Variants in CSMD1 observed in about 807,000 individuals in gnomAD.
The protein encoded by CSMD1 is CUB and sushi domain-containing protein 1.
Under a neutral mutation model 417.5 loss-of-function variants are expected in CSMD1, and 213 were observed. The ratio of observed to expected loss-of-function variants is 0.51; its 90% confidence interval spans 0.46 to 0.57. CSMD1 has a LOEUF of 0.57. Ranked by LOEUF, CSMD1 falls within the 20% of genes least tolerant of loss-of-function variation. CSMD1 has a pLI of 0.00. For synonymous variants in CSMD1, 2,862 were observed against 1,736.8 expected (o/e 1.65, Z -16.11); for missense variants, 6,923 against 4,529.7 (o/e 1.53, Z -15.17).
At chr8:3,699,853 A>G (rs1048049925) in intron 7 of CSMD1, among the ~76,000 whole-genome samples, 1 of 152,158 alleles carries the variant, frequency 6.6e-6, no homozygotes, top group African/African-American at 2.4e-5. Flanking sequence ...ACACCATCCC[A>G]TAACTACATC....
At chr8:4,698,461 G>A (rs1584959840) in intron 1 of CSMD1, among the ~76,000 whole-genome samples, 1 of 152,134 alleles carries the variant, frequency 6.6e-6, no homozygotes, top group East Asian at 1.9e-4. Context: ...TCATGCTTAT[G>A]TTCTCATAAG....
intron 1 of CSMD1, among the ~76,000 whole-genome samples, chr8:4,695,633 C>A (rs1807079238): frequency 1.3e-5 from 2 of 152,102 alleles, no homozygotes; most frequent in African/African-American, 4.8e-5. Context: ...ACATACGCCA[C>A]CAAAGAGAGA....
intron 5 of CSMD1, among the ~76,000 whole-genome samples, chr8:3,810,352 C>A (rs1490669336): frequency 6.6e-6 from 1 of 152,166 alleles, no homozygotes; most frequent in Non-Finnish European, 1.5e-5. Context: ...GCTTCTCAGT[C>A]ACAAAAATCA....
intron 49 of CSMD1, among the ~76,000 whole-genome samples, chr8:3,085,320 A>G (rs1814447495): frequency 6.6e-6 from 1 of 152,260 alleles, no homozygotes; most frequent in Non-Finnish European, 1.5e-5. Context: ...GTTAACAGAA[A>G]GGTTAACAGG....
intron 40 of CSMD1, among the ~76,000 whole-genome samples, chr8:3,142,950 GC>G (rs1159581672): frequency 6.6e-6 from 1 of 152,032 alleles, no homozygotes; most frequent in Non-Finnish European, 1.5e-5. Context: ...GTACCACAGA[GC>G]TACACAGGTG....
intron 5 of CSMD1, among the ~76,000 whole-genome samples, chr8:3,859,688 G>A (rs770619108): frequency 1.3e-5 from 2 of 152,090 alleles, no homozygotes; most frequent in African/African-American, 2.4e-5. Context: ...TCAATGAGTC[G>A]TGCCTACATA....
intron 5 of CSMD1, among the ~76,000 whole-genome samples, chr8:3,858,319 A>G (rs1416984928): frequency 6.6e-6 from 1 of 152,206 alleles, no homozygotes; most frequent in East Asian, 1.9e-4. Flanking sequence ...AAAACTTCAA[A>G]GGCTCTTCTT....
chr8:4,752,884 A>G (rs1309104471), intron 1 of CSMD1, among the ~76,000 whole-genome samples: 1 of 152,188 alleles, frequency 6.6e-6, no homozygotes, highest in Non-Finnish European at 1.5e-5. Context: ...TTTTCTCCCA[A>G]AGATCCTGCA....
At chr8:4,825,656 C>G (rs1220429620) in intron 1 of CSMD1, among the ~76,000 whole-genome samples, 1 of 151,506 alleles carries the variant, frequency 6.6e-6, no homozygotes, top group Non-Finnish European at 1.5e-5. Context: ...TTCTGCACAG[C>G]AAAGAAAACA....
intron 5 of CSMD1, among the ~76,000 whole-genome samples, chr8:3,953,401 G>A (rs773745452): frequency 2.0e-5 from 3 of 152,152 alleles, no homozygotes; most frequent in Non-Finnish European, 4.4e-5. Context: ...AGATATTCAT[G>A]TGTAATGAGT....
intron 2 of CSMD1, among the ~76,000 whole-genome samples, chr8:4,627,917 C>G (rs1268392023): frequency 6.6e-6 from 1 of 152,000 alleles, no homozygotes; most frequent in Non-Finnish European, 1.5e-5. Context: ...GATATCCTGT[C>G]CACTGCAGGA....
At chr8:4,207,559 T>G (rs999332352) in intron 3 of CSMD1, among the ~76,000 whole-genome samples, 7 of 152,152 alleles carry the variant, frequency 4.6e-5, no homozygotes, top group African/African-American at 1.7e-4. Flanking sequence ...GAAAATAATG[T>G]TAAGAAAATG....
At chr8:4,370,396 G>C (rs1802328280) in intron 3 of CSMD1, among the ~76,000 whole-genome samples, 1 of 152,038 alleles carries the variant, frequency 6.6e-6, no homozygotes. Context: ...ACAGACCTTG[G>C]AAAATCTGAT....
intron 5 of CSMD1, among the ~76,000 whole-genome samples, chr8:3,956,753 C>A (rs1448925607): frequency 6.6e-6 from 1 of 152,080 alleles, no homozygotes; most frequent in Non-Finnish European, 1.5e-5. Flanking sequence ...TTTAGCCCAA[C>A]TCCAAAGCTT....
chr8:4,338,481 A>T (rs1205588792), intron 3 of CSMD1, among the ~76,000 whole-genome samples: 2 of 152,132 alleles, frequency 1.3e-5, no homozygotes, highest in Non-Finnish European at 2.9e-5. Context: ...GTTCATGGCA[A>T]ATCTACCTCG....
intron 5 of CSMD1, among the ~76,000 whole-genome samples, chr8:3,966,156 T>C (rs577978864): frequency 2.0e-5 from 3 of 152,310 alleles, no homozygotes; most frequent in East Asian, 1.9e-4. Flanking sequence ...TCTCAGTTAA[T>C]AGGACGGCAA....
In CSMD1 at chr8:4,525,490, G is replaced by C. The variant is rs984547908; in HGVS notation, c.303-105425C>G. Among the ~76,000 whole-genome samples, 6 of 152,280 alleles carry C rather than the reference G, an allele frequency of 3.9e-5. No individual in the cohort carries two copies. In the East Asian group the frequency reaches 7.7e-4, roughly 20 times the overall value. On this transcript the variant is annotated intron_variant, in intron 2 of 69. Transcript: ENST00000635120. ...CAGATAACACATTGATTTGTCGTAA[G>C]AGCAATTTAGCGCCATTCCTCTAGT...
chr8:4,707,941 A>G (rs1038117085), intron 1 of CSMD1, among the ~76,000 whole-genome samples: 1 of 138,126 alleles, frequency 7.2e-6, no homozygotes, highest in Non-Finnish European at 1.5e-5. Context: ...AGGGGAAAGA[A>G]GTTTCCGTGT....
At chr8:4,391,834 A>G (rs1803868612) in intron 3 of CSMD1, among the ~76,000 whole-genome samples, 1 of 152,176 alleles carries the variant, frequency 6.6e-6, no homozygotes, top group Non-Finnish European at 1.5e-5. Context: ...TTGTTCTGGC[A>G]AACCTGAGTC....
Sources: allele counts gnomAD v4.1 joint callset (sites outside exome capture counted in the v4.1 genomes callset), GRCh38; gene constraint gnomAD v4.1.1; transcripts MANE v1.5; gene names NCBI Gene and HGNC (gene_info 2026-07-23, HGNC 2026-07-21).